RARS1: variants seen among roughly 807,000 people sequenced by gnomAD.
The protein encoded by RARS1 is arginyl-tRNA synthetase 1, also known as arginine--tRNA ligase, cytoplasmic.
RARS1 carries 75 observed loss-of-function variants against 78.7 expected under a neutral mutation model. The observed-to-expected ratio is 0.95, with a 90% CI of 0.79 to 1.15. The LOEUF (loss-of-function observed/expected upper bound fraction) is 1.15. Among genes scored for constraint, RARS1 ranks in the 50% most tolerant of loss-of-function variants. The probability of loss-of-function intolerance (pLI) is 0.00; values close to 1 mark genes in which losing one functional copy is unlikely to be tolerated. For missense variants in RARS1, 787 were observed against 787.5 expected (o/e 1.00, Z 0.01); for synonymous variants, 273 against 268.2 (o/e 1.02, Z -0.18).
At position 168,486,516 on chromosome 5, in the gene RARS1, T is replaced by C; in HGVS notation, c.18T>C (p.Ser6=). ...ATGGGAGGATGGACGTACTGGTGTCTGAGTGCTCCGCGCGGCTGCTGCAGC... is the reference window on the plus strand; with the variant it reads ...ATGGGAGGATGGACGTACTGGTGTCCGAGTGCTCCGCGCGGCTGCTGCAGC... The part of the protein sequence containing the change: MDVLV[S]ECSARLLQQE... Residue 6 remains serine, a synonymous_variant, in exon 1 of 15, where the codon TCT becomes TCC. Coordinates refer to ENST00000231572, the MANE Select transcript of RARS1 (RefSeq NM_002887.4). 1 of 1,559,234 alleles carries C rather than the reference T, an allele frequency of 6.4e-7. No homozygotes were observed. The highest frequency in any genetic ancestry group is 8.7e-7 in the Non-Finnish European group (1 of 1,150,692).
At chr5:168,493,679 G>T (rs768565190) in intron 3 of RARS1, among the ~76,000 whole-genome samples, 1 of 150,462 alleles carries the variant, frequency 6.6e-6, no homozygotes, top group Non-Finnish European at 1.5e-5. Context: ...TGTGTGTAAC[G>T]TATTTGGAAA....
intron 8 of RARS1, 70 bp from the exon 9 acceptor site, chr5:168,501,931 A>G: frequency 6.5e-7 from 1 of 1,536,504 alleles, no homozygotes; most frequent in Non-Finnish European, 8.7e-7. Flanking sequence ...TTTCAATGTA[A>G]GATGCATGTT....
At chr5:168,517,141 T>G (rs1758682151) in intron 13 of RARS1, among the ~76,000 whole-genome samples, 191 bp downstream of exon 13, 1 of 151,980 alleles carries the variant, frequency 6.6e-6, no homozygotes, top group South Asian at 2.1e-4. Flanking sequence ...GTGTTTTTTT[T>G]TGTTTGTTTG....
At chr5:168,494,168 CA>C in intron 4 of RARS1, 166 bp downstream of exon 4, 5 of 891,206 alleles carry the variant, frequency 5.6e-6, no homozygotes, top group Non-Finnish European at 6.7e-6. Flanking sequence ...AATCTAGACT[CA>C]GCTACCACTT....
intron 6 of RARS1, among the ~76,000 whole-genome samples, chr5:168,496,703 C>T (rs1038900689): frequency 1.3e-5 from 2 of 152,010 alleles, no homozygotes; most frequent in Admixed American, 6.5e-5. Flanking sequence ...AGGCGGGTCT[C>T]GAACTCCTAA....
In RARS1 at chr5:168,492,689, A is replaced by G. The variant is rs778092058; in HGVS notation, c.211A>G (p.Lys71Glu). Residue 71 changes from lysine (K) to glutamate (E), a missense_variant, in exon 3 of 15, where the codon AAA becomes GAA. Transcript: ENST00000231572. ...SLQAERNKPT[K>E]NMINIISRLQ... ...TCAGGCAGAAAGGAACAAACCAACTAAAAATATGATTAACATTATTAGCCG... is the reference window on the plus strand; with the variant it reads ...TCAGGCAGAAAGGAACAAACCAACTGAAAATATGATTAACATTATTAGCCG... The G allele has an allele frequency of 1.2e-6, 2 of 1,609,678 alleles. No homozygotes were observed. The highest frequency in any genetic ancestry group is 1.7e-4 in the Middle Eastern group (1 of 6,052).
At chr5:168,491,946 C>CTTTTTTTTT (rs149780336) in intron 2 of RARS1, among the ~76,000 whole-genome samples, 1 of 102,614 alleles carries the variant, frequency 9.7e-6, no homozygotes, top group African/African-American at 3.8e-5. Context: ...TGTCATTCAC[C>CTTTTTTTTT]TTTTTTTTTT....
intron 3 of RARS1, 172 bp downstream of exon 3, chr5:168,493,019 G>T: frequency 5.3e-6 from 3 of 567,930 alleles, no homozygotes; most frequent in East Asian, 2.8e-5. Context: ...AACTTTTTTA[G>T]GCACAATTTT....
At chr5:168,513,614 T>C (rs1758607970) in intron 12 of RARS1, among the ~76,000 whole-genome samples, 1 of 151,924 alleles carries the variant, frequency 6.6e-6, no homozygotes, top group African/African-American at 2.4e-5. Context: ...CCACTGTGCC[T>C]GGCCTGACTG....
chr5:168,505,149 A>C (rs571010003), intron 9 of RARS1, among the ~76,000 whole-genome samples: 2 of 152,310 alleles, frequency 1.3e-5, no homozygotes, highest in South Asian at 4.1e-4. Flanking sequence ...TTAACTGCTT[A>C]TTTTATACTG....
At chr5:168,494,282 C>T in intron 4 of RARS1, 1 of 985,344 alleles carries the variant, frequency 1.0e-6, no homozygotes. Context: ...GGCACAAGGG[C>T]CTTCTGTTTT....
Position 168,500,483 on chromosome 5 carries a change from T to A in RARS1, c.823-108T>A, listed in dbSNP as rs1302554916. ...GGGAGAGCACTTGTTCTCGTGTTTG[T>A]ACTTTCTCACTGTGTTTGTGTGTGT... On this transcript the variant is annotated intron_variant, in intron 7 of 14. Coordinates refer to ENST00000231572, the MANE Select transcript of RARS1 (RefSeq NM_002887.4). The A allele has an allele frequency of 7.3e-6, 8 of 1,096,730 alleles. No individual in the cohort carries two copies. The East Asian group carries it at 2.6e-4, about 36-fold the overall frequency. 67.9% of individuals were successfully genotyped at this position (1,096,730 alleles called of 1,614,324 possible).
chr5:168,510,293 G>A (rs568622234), intron 11 of RARS1, among the ~76,000 whole-genome samples: 6 of 152,306 alleles, frequency 3.9e-5, no homozygotes, highest in African/African-American at 1.4e-4. Context: ...TATGTAGAGA[G>A]TGCTTTTGAG....
At chr5:168,495,255 AT>A in intron 5 of RARS1, 59 bp from the exon 6 acceptor site, 2 of 1,553,818 alleles carry the variant, frequency 1.3e-6, no homozygotes, top group East Asian at 4.6e-5. Context: ...TCTTAAAAAA[AT>A]CTTTCTCTCT....
rs560424975 is a variant in RARS1, at chr5:168,513,225, T to G, written c.1452+2539T>G. 4.4e-4 allele frequency among the ~76,000 whole-genome samples: 66 copies of G among 149,884 alleles called. 1 individual carries two copies. Among genetic ancestry groups the G allele is most frequent in the Non-Finnish European group, 7.6e-4 (51 of 67,442 alleles). ...CACGCCCTGCTAATTTTTTGTATTT[T>G]TTTTTTTTTTTTTTAGTAGAGACGG... On this transcript the variant is annotated intron_variant, in intron 12 of 14. Coordinates refer to ENST00000231572, the MANE Select transcript of RARS1 (RefSeq NM_002887.4).
chr5:168,494,075 C>T (rs1758135497), intron 4 of RARS1, 73 bp downstream of exon 4: 4 of 1,399,416 alleles, frequency 2.9e-6, no homozygotes, highest in Non-Finnish European at 3.0e-6. Flanking sequence ...AAAGAACACA[C>T]ATTTTAATTA....
Position 168,517,558 on chromosome 5 carries a change from G to A in RARS1, c.1626-257G>A, listed in dbSNP as rs116881881. On this transcript the variant is annotated intron_variant, in intron 13 of 14. Transcript: ENST00000231572. ...AAACCTGGCCTTAACTGCACTTGCC[G>A]ATACTCTTCTAGATGCTCTATGTTT... Among the ~76,000 whole-genome samples the A allele has an allele frequency of 2.3e-4, 35 of 152,190 alleles. No individual in the cohort carries two copies. The East Asian group carries it at 3.5e-3, about 15-fold the overall frequency.
chr5:168,509,490 T>C (rs775124840), intron 11 of RARS1, among the ~76,000 whole-genome samples: 3 of 145,642 alleles, frequency 2.1e-5, no homozygotes, highest in Non-Finnish European at 3.0e-5. Flanking sequence ...CTTGGTGTTA[T>C]GTAAACTTTT....
chr5:168,508,826 T>C (rs1582439046), intron 11 of RARS1, among the ~76,000 whole-genome samples: 1 of 152,148 alleles, frequency 6.6e-6, no homozygotes, highest in Non-Finnish European at 1.5e-5. Context: ...TGGTGTTGGT[T>C]GGATGCTCCA....
Sources: allele counts gnomAD v4.1 joint callset (sites outside exome capture counted in the v4.1 genomes callset), GRCh38; gene constraint gnomAD v4.1.1; transcripts MANE v1.5; gene names NCBI Gene and HGNC (gene_info 2026-07-23, HGNC 2026-07-21).